FAM120A: variants seen among roughly 807,000 people sequenced by gnomAD.
The protein encoded by FAM120A is family with sequence similarity 120 member A.
FAM120A carries 15 observed loss-of-function variants against 109.7 expected under a neutral mutation model. The ratio of observed to expected loss-of-function variants is 0.14; its 90% CI spans 0.09 to 0.21. The LOEUF is 0.21. FAM120A is among the 10% of genes least tolerant of loss of function. The pLI, the probability that FAM120A is intolerant of heterozygous loss-of-function variation, is 1.00. For missense variants in FAM120A, 899 were observed against 1,439.3 expected (o/e 0.62, Z 6.07); for synonymous variants, 493 against 572.8 (o/e 0.86, Z 1.99).
In FAM120A at chr9:93,453,231, A is replaced by G. The variant is rs565598347; in HGVS notation, c.474+842A>G. 6 of 996,578 alleles carry G rather than the reference A, an allele frequency of 6.0e-6. No individual in the cohort carries two copies. The South Asian group carries it at 1.7e-4, about 29-fold the overall frequency. 61.7% of individuals were successfully genotyped at this position (996,578 alleles called of 1,614,324 possible). A position where few individuals can be genotyped will look rare whatever the true frequency, so the allele number is the denominator to read the frequency against. On this transcript the variant is annotated intron_variant, in intron 1 of 17. Transcript: ENST00000277165. Reference sequence around the variant, plus strand: ...GCACAGTAAGTATTCAGTGACCTTCAGCGGTGCCCTGACGGGTGGGTAATC... The same window carrying G: ...GCACAGTAAGTATTCAGTGACCTTCGGCGGTGCCCTGACGGGTGGGTAATC...
intron 1 of FAM120A, chr9:93,453,466 C>A: frequency 1.0e-6 from 1 of 985,486 alleles, no homozygotes; most frequent in Non-Finnish European, 1.2e-6. Context: ...TCTTGACACT[C>A]GGTCTTCCAT....
intron 1 of FAM120A, among the ~76,000 whole-genome samples, chr9:93,464,615 G>A (rs1224380486): frequency 6.6e-6 from 1 of 152,204 alleles, no homozygotes. Flanking sequence ...GAGTTTTAGA[G>A]TTTCACTTCC....
chr9:93,508,618 GC>G (rs1860170292), intron 5 of FAM120A, among the ~76,000 whole-genome samples: 1 of 152,202 alleles, frequency 6.6e-6, no homozygotes, highest in South Asian at 2.1e-4. Context: ...TGAGGGAGAA[GC>G]TGGGTTGGTC....
At position 93,475,276 on chromosome 9, in the gene FAM120A, C is replaced by T. The variant is rs181994958; in HGVS notation, c.722-980C>T. On this transcript the variant is annotated intron_variant, in intron 2 of 17. Transcript: ENST00000277165. ...TTTTGACTGTGACCCATCTTATGAG[C>T]ACAGGTGTGGAATTTTCCACTTGCA... Among the ~76,000 whole-genome samples, 70 of 152,256 alleles carry T rather than the reference C, an allele frequency of 4.6e-4. No individual in the cohort carries two copies. In the East Asian group the frequency reaches 8.3e-3, roughly 18 times the overall value.
At chr9:93,463,274 GAGTGA>G (rs1310848284) in intron 1 of FAM120A, among the ~76,000 whole-genome samples, 1 of 152,086 alleles carries the variant, frequency 6.6e-6, no homozygotes, top group Non-Finnish European at 1.5e-5. Flanking sequence ...CTGTAATAAT[GAGTGA>G]AGTTGAGCAT....
At chr9:93,457,723 G>A (rs980756651) in intron 1 of FAM120A, among the ~76,000 whole-genome samples, 2 of 151,860 alleles carry the variant, frequency 1.3e-5, no homozygotes, top group African/African-American at 4.8e-5. Flanking sequence ...TTCTAAGTTA[G>A]CTTCAGCTCT....
At position 93,452,915 on chromosome 9, in the gene FAM120A, C is replaced by T. The variant is rs910630555; in HGVS notation, c.474+526C>T. 5 of 1,429,826 alleles carry T rather than the reference C, an allele frequency of 3.5e-6. No homozygotes were observed. In the African/African-American group the frequency reaches 4.3e-5, roughly 12 times the overall value. The allele number at this position is 1,429,826 out of a possible 1,614,324, so 88.6% of individuals were successfully genotyped here. On this transcript the variant is annotated intron_variant, in intron 1 of 17. Transcript: ENST00000277165. The surrounding 1 kb of genome is among the most constrained non-coding windows in gnomAD (Gnocchi z 7.0). ...CTTGCCAATGTTGTTAGCCCGGTGA[C>T]AGCGAGACGTGTCTAAGGGCCAGTG... is the stretch of plus-strand genomic sequence containing the variant.
Position 93,471,215 on chromosome 9 carries a change from T to A in FAM120A, c.549T>A (p.Val183=), listed in dbSNP as rs772930809. The stretch of plus-strand genomic sequence containing the variant: ...GAGAGAATGGTTTCCATGGCTTGGT[T>A]GCGTATGACTCTGATTATGCACTGT... ...FCRENGFHGL[V]AYDSDYALCN... is the part of the protein sequence containing the mutation. The change falls in exon 2 of 18, where the codon GTT becomes GTA. Residue 183 remains valine (V), a synonymous_variant. Coordinates refer to ENST00000277165, the MANE Select transcript of FAM120A (RefSeq NM_014612.5). 1 of 1,614,060 alleles carries A rather than the reference T, an allele frequency of 6.2e-7. No individual in the cohort carries two copies. Among genetic ancestry groups the A allele is most frequent in the African/African-American group, 1.3e-5 (1 of 74,908 alleles).
At chr9:93,508,984 C>T (rs775514087) in intron 5 of FAM120A, among the ~76,000 whole-genome samples, 8 of 152,156 alleles carry the variant, frequency 5.3e-5, no homozygotes, top group Non-Finnish European at 7.3e-5. Context: ...TCCTAAGCTG[C>T]GGAGAAAAGG....
rs1333993054 is a variant in FAM120A at position 93,513,443 on chromosome 9, C to T, written c.1031-2224C>T. Among the ~76,000 whole-genome samples, 3 of 152,132 alleles carry T rather than the reference C, an allele frequency of 2.0e-5. No individual in the cohort carries two copies. In the East Asian group the frequency reaches 5.8e-4, roughly 29 times the overall value. Reference sequence around the variant, plus strand: ...TAGAGGCACGGACTTGTGGACTTATCGGTCAGTTAGGAATGTGTTGTGTGC... The same window carrying T: ...TAGAGGCACGGACTTGTGGACTTATTGGTCAGTTAGGAATGTGTTGTGTGC... On this transcript the variant is annotated intron_variant, in intron 5 of 17. Transcript: ENST00000277165.
At position 93,477,538 on chromosome 9, in the gene FAM120A, T is replaced by C. The variant is rs1239122937; in HGVS notation, c.804+1200T>C. Among the ~76,000 whole-genome samples the C allele has an allele frequency of 2.0e-5, 3 of 152,370 alleles. No homozygotes were observed. The East Asian group carries it at 5.8e-4, about 29-fold the overall frequency. ...GTGATCTGTCATTCGGACTCTAAGCTTCTGGTGATGCCATGATTGAAATGT... is the reference window on the plus strand; with the variant it reads ...GTGATCTGTCATTCGGACTCTAAGCCTCTGGTGATGCCATGATTGAAATGT... On this transcript the variant is annotated intron_variant, in intron 3 of 17. Transcript: ENST00000277165.
chr9:93,564,274 C>A lies in FAM120A; in HGVS notation c.3091C>A (p.Leu1031Ile), dbSNP rs1230131435. 1.2e-6 allele frequency: 2 copies of A among 1,613,822 alleles called. No individual in the cohort carries two copies. Among genetic ancestry groups the A allele is most frequent in the African/African-American group, 2.7e-5 (2 of 74,928 alleles). The change falls in exon 18 of 18, where the codon CTT (leucine) becomes ATT (isoleucine). Residue 1031 changes from leucine to isoleucine, a missense_variant. Leu to Ile is a conservative substitution (Grantham distance 5, BLOSUM62 2). Around this residue, in one of 11 missense-constraint regions of FAM120A, gnomAD observed 170 missense variants for 205.0 expected, o/e 0.83. Coordinates refer to ENST00000277165, the MANE Select transcript of FAM120A (RefSeq NM_014612.5). The part of the protein sequence containing the change: ...AASAEEVAKE[L>I]KSKSGESKSS... The stretch of plus-strand genomic sequence containing the variant: ...TTCAGCAGAAGAAGTGGCCAAAGAA[C>A]TTAAGTCAAAATCTGGGGAATCGAA...
intron 2 of FAM120A, 106 bp downstream of exon 2, chr9:93,471,493 A>G (rs1858312919): frequency 1.8e-5 from 26 of 1,413,070 alleles, no homozygotes; most frequent in Non-Finnish European, 2.5e-5. Context: ...TGTATCACAC[A>G]TTGAAAAGAA....
At chr9:93,563,787 G>A (rs1205618370) in intron 17 of FAM120A, among the ~76,000 whole-genome samples, 3 of 152,216 alleles carry the variant, frequency 2.0e-5, no homozygotes. Context: ...TCTTGTTAAG[G>A]TTCCCTAGCA....
intron 9 of FAM120A, chr9:93,530,926 T>C (rs1861303730): frequency 6.6e-6 from 1 of 152,228 alleles, no homozygotes; most frequent in African/African-American, 2.4e-5. Flanking sequence ...GTCGGTTAGA[T>C]CTATATGAGG....
intron 7 of FAM120A, among the ~76,000 whole-genome samples, chr9:93,519,040 A>ATC (rs1339989823): frequency 6.6e-6 from 1 of 151,988 alleles, no homozygotes; most frequent in Non-Finnish European, 1.5e-5. Flanking sequence ...GACACTCCTG[A>ATC]TCCAGAGTGT....
chr9:93,476,132 G>A (rs1275807204), intron 2 of FAM120A, 124 bp from the exon 3 acceptor site: 2 of 624,596 alleles, frequency 3.2e-6, no homozygotes, highest in African/African-American at 3.7e-5. Flanking sequence ...GTTAAGAGAT[G>A]AAGATTTGTT....
intron 3 of FAM120A, among the ~76,000 whole-genome samples, chr9:93,493,570 A>T (rs996963914): frequency 3.9e-5 from 6 of 152,246 alleles, no homozygotes; most frequent in African/African-American, 1.2e-4. Flanking sequence ...AACGGTAGCT[A>T]AACTAACAAG....
Position 93,548,295 on chromosome 9 carries a change from A to G in FAM120A, c.2160-2282A>G, listed in dbSNP as rs530465600. On this transcript the variant is annotated intron_variant, in intron 11 of 17. Transcript: ENST00000277165. ...ATTTTTTTGTTTTTGTATTTTTAGT[A>G]GAGACGGGGTTTCACCATGTTAGCC... 3.0e-4 allele frequency among the ~76,000 whole-genome samples: 46 copies of G among 152,144 alleles called. 2 individuals carry two copies. The South Asian group carries it at 8.5e-3, about 28-fold the overall frequency.
Sources: gnomAD v4.1 joint callset for allele counts (sites outside exome capture counted in the v4.1 genomes callset) on GRCh38, gnomAD v4.1.1 for gene constraint, gnomAD v4.1.1 regional missense constraint, Gnocchi (gnomAD v3.1) non-coding constraint, MANE v1.5 for transcripts, NCBI Gene and HGNC (gene_info 2026-07-23, HGNC 2026-07-21) for gene names.